SULT6B1: variants seen among roughly 807,000 people sequenced by gnomAD.
SULT6B1 encodes the protein sulfotransferase 6B1.
A neutral mutation model predicts 37.2 loss-of-function variants in SULT6B1; 44 were observed. That is an observed-to-expected ratio of 1.18 (90% CI 0.93 to 1.52). The LOEUF (loss-of-function observed/expected upper bound fraction) is 1.52, where lower values mean the gene tolerates loss of function less well. SULT6B1 is among the 40% of genes most tolerant of loss of function. The probability of loss-of-function intolerance (pLI) is 0.00; values close to 1 mark genes in which losing one functional copy is unlikely to be tolerated. For synonymous variants in SULT6B1, 140 were observed against 126.0 expected (o/e 1.11, Z -0.74); for missense variants, 450 against 361.0 (o/e 1.25, Z -2.00).
At chr2:37,176,625 C>T (rs1056435145) in intron 4 of SULT6B1, among the ~76,000 whole-genome samples, 1 of 152,102 alleles carries the variant, frequency 6.6e-6, no homozygotes, top group Non-Finnish European at 1.5e-5. Context: ...TCATGAAGCC[C>T]TTGCTTTGAG....
At chr2:37,193,447 G>T (rs141773761), upstream of SULT6B1, among the ~76,000 whole-genome samples, 618 of 151,992 alleles carry the variant, frequency 4.1e-3, 38 homozygotes, top group East Asian at 0.1. Context: ...GGGTGACAGA[G>T]TGAGACTCTG....
chr2:37,180,501 G>A (rs1676527645), intron 3 of SULT6B1, among the ~76,000 whole-genome samples: 4 of 152,150 alleles, frequency 2.6e-5, no homozygotes, highest in Admixed American at 2.6e-4. Flanking sequence ...TTTTCAACAT[G>A]GTTTTAGATT....
intron 5 of SULT6B1, among the ~76,000 whole-genome samples, chr2:37,173,323 CT>C (rs1676345647): frequency 6.6e-6 from 1 of 152,124 alleles, no homozygotes; most frequent in African/African-American, 2.4e-5. Flanking sequence ...CTGATTCCTC[CT>C]TTTTTCCCCA....
In SULT6B1 at chr2:37,194,178, ATTTT is replaced by A. The variant is rs577677210; in HGVS notation, c.-22+2334_-22+2337del. ...TCTCATCCACATTGACTGTCTGTAG[ATTTT>A]TTTTTTTTCGAGACAAAGCCTTTTT... On this transcript the variant is annotated intron_variant, in intron 1 of 7. Coordinates refer to the SULT6B1 transcript ENST00000407963. 2.5e-3 allele frequency among the ~76,000 whole-genome samples: 369 copies of A among 146,282 alleles called. 3 individuals are homozygous for A. The highest frequency in any genetic ancestry group is 8.9e-3 in the African/African-American group (358 of 40,012).
chr2:37,188,049 G>A (rs993648110), intron 1 of SULT6B1, among the ~76,000 whole-genome samples: 1 of 152,142 alleles, frequency 6.6e-6, no homozygotes, highest in African/African-American at 2.4e-5. Context: ...TTTATAACAT[G>A]GAAATCATCA....
At chr2:37,173,336 A>C (rs547467888) in intron 5 of SULT6B1, among the ~76,000 whole-genome samples, 1 of 150,814 alleles carries the variant, frequency 6.6e-6, no homozygotes, top group Non-Finnish European at 1.5e-5. Context: ...TTTTCCCCAA[A>C]CTCTTTAAAT....
At chr2:37,190,855 GA>G (rs1462828254), upstream of SULT6B1, among the ~76,000 whole-genome samples, 1 of 152,118 alleles carries the variant, frequency 6.6e-6, no homozygotes, top group African/African-American at 2.4e-5. Flanking sequence ...TGGTAGTGGA[GA>G]AAATGTTTGC....
At chr2:37,178,152 C>A (rs1363361861) in intron 4 of SULT6B1, among the ~76,000 whole-genome samples, 1 of 152,092 alleles carries the variant, frequency 6.6e-6, no homozygotes, top group Admixed American at 6.6e-5. Context: ...TCAAACAATT[C>A]TCCTGCATCA....
intron 2 of SULT6B1, among the ~76,000 whole-genome samples, chr2:37,185,200 A>G (rs555008724): frequency 2.0e-5 from 3 of 152,212 alleles, no homozygotes; most frequent in Non-Finnish European, 4.4e-5. Flanking sequence ...TAAGGTTACT[A>G]AAAGGATTAG....
chr2:37,189,146 A>G (rs1676733731), upstream of SULT6B1, among the ~76,000 whole-genome samples: 1 of 152,202 alleles, frequency 6.6e-6, no homozygotes, highest in Non-Finnish European at 1.5e-5. Flanking sequence ...TACTGGCTCA[A>G]TAGATACACA....
chr2:37,179,931 T>C (rs947869139), intron 3 of SULT6B1, among the ~76,000 whole-genome samples: 1 of 152,070 alleles, frequency 6.6e-6, no homozygotes, highest in Non-Finnish European at 1.5e-5. Flanking sequence ...AAATTGCAAA[T>C]AATGTTAAGG....
At chr2:37,178,830 G>C (rs1251441662) in intron 4 of SULT6B1, among the ~76,000 whole-genome samples, 2 of 152,222 alleles carry the variant, frequency 1.3e-5, no homozygotes, top group African/African-American at 4.8e-5. Context: ...GTGTTACATA[G>C]TGACAAGGAA....
At chr2:37,184,827 A>C (rs6734866) in intron 2 of SULT6B1, among the ~76,000 whole-genome samples, 1 of 151,360 alleles carries the variant, frequency 6.6e-6, no homozygotes, top group African/African-American at 2.4e-5. Context: ...GTGAGACTCC[A>C]TTTAAAAAAA....
At chr2:37,178,977 T>TTTG (rs1676489093) in intron 4 of SULT6B1, among the ~76,000 whole-genome samples, 3 of 141,290 alleles carry the variant, frequency 2.1e-5, no homozygotes, top group South Asian at 4.8e-4. Flanking sequence ...TTGTTTGTTT[T>TTTG]TTTGAGACAG....
intron 4 of SULT6B1, among the ~76,000 whole-genome samples, chr2:37,176,150 T>C (rs1234793215): frequency 1.3e-5 from 2 of 151,970 alleles, no homozygotes; most frequent in Non-Finnish European, 1.5e-5. Flanking sequence ...CTCTTAAAAC[T>C]CCTTGTACCT....
intron 1 of SULT6B1, among the ~76,000 whole-genome samples, chr2:37,195,184 A>T (rs1435795330): frequency 6.6e-6 from 1 of 152,086 alleles, no homozygotes; most frequent in Admixed American, 6.6e-5. Context: ...TCCTGACCTC[A>T]GGTTATCTGC....
upstream of SULT6B1, among the ~76,000 whole-genome samples, chr2:37,193,642 G>GAAGAAGAAT (rs1676832238): frequency 4.0e-5 from 6 of 150,456 alleles, no homozygotes; most frequent in East Asian, 6.0e-4. Flanking sequence ...AGAAGAAGAA[G>GAAGAAGAAT]AAGAAGAAGG....
chr2:37,183,458 T>A lies in SULT6B1; in HGVS notation c.369A>T (p.Lys123Asn). The change falls in exon 3 of 7, where the codon AAA (lysine) becomes AAT (asparagine). Residue 123 changes from lysine to asparagine, a missense_variant. Transcript: ENST00000535679. The stretch of plus-strand genomic sequence containing the variant: ...TATTCTCGAAGATAGACCCAGGTAA[T>A]TTGTCATAGTGGAGGTGAGTTGCCA... Reference protein sequence around the residue: ...RILATHLHYDKLPGSIFENKA... With the variant: ...RILATHLHYDNLPGSIFENKA... The A allele has an allele frequency of 6.2e-7, 1 of 1,614,174 alleles. No individual in the cohort carries two copies. The highest frequency in any genetic ancestry group is 2.2e-5 in the East Asian group (1 of 44,882).
chr2:37,177,693 T>G (rs942014363), intron 4 of SULT6B1, among the ~76,000 whole-genome samples: 5 of 152,140 alleles, frequency 3.3e-5, no homozygotes, highest in African/African-American at 9.7e-5. Context: ...ATAATATTCG[T>G]TAAAAGAATA....
Sources: gnomAD v4.1 joint callset for allele counts (sites outside exome capture counted in the v4.1 genomes callset) on GRCh38, gnomAD v4.1.1 for gene constraint, MANE v1.5 for transcripts, NCBI Gene and HGNC (gene_info 2026-07-23, HGNC 2026-07-21) for gene names.